KALRN: variants seen among roughly 807,000 people sequenced by gnomAD.
KALRN encodes the protein kalirin.
KALRN carries 70 observed loss-of-function variants against 353.7 expected under a neutral mutation model. The observed-to-expected ratio is 0.20, with a 90% CI of 0.16 to 0.24. The LOEUF is 0.24. KALRN is among the 10% of genes least tolerant of loss of function. KALRN has a pLI of 1.00. For missense variants in KALRN, 2,791 were observed against 3,756.7 expected, an observed-to-expected ratio of 0.74 and a Z score of 6.72; for synonymous variants, 1,391 against 1,434.8, an observed-to-expected ratio of 0.97 and a Z score of 0.69.
At chr3:124,103,682 G>A (rs960012425) in intron 1 of KALRN, among the ~76,000 whole-genome samples, 8 of 152,234 alleles carry the variant, frequency 5.3e-5, no homozygotes, top group South Asian at 2.1e-4. Flanking sequence ...AAGGCTGGGC[G>A]CAGTGACTCA....
chr3:124,268,927 C>T lies in KALRN; in HGVS notation c.641C>T (p.Ala214Val), dbSNP rs2073863106. 6.2e-7 allele frequency: 1 copy of T among 1,613,978 alleles called. No homozygotes were observed. The highest frequency in any genetic ancestry group is 1.7e-5 in the Admixed American group (1 of 60,000). ...CTCGAGGACCTCCAGGAGATGCTAG[C>T]CCGGAAGGAGTTTCCTGTGGATGTG... Reference protein sequence around the residue: ...SRLEDLQEMLARKEFPVDVEG... With the variant: ...SRLEDLQEMLVRKEFPVDVEG... The change falls in exon 5 of 60, where the codon GCC becomes GTC. Residue 214 changes from alanine (A) to valine (V), a missense_variant. Ala to Val is a moderately conservative substitution (Grantham distance 64). This residue lies in a region of KALRN where 366 missense variants were observed against 489.2 expected (regional missense o/e 0.75). Transcript: ENST00000682506.
intron 10 of KALRN, among the ~76,000 whole-genome samples, chr3:124,380,745 G>T (rs1370830290): frequency 2.0e-5 from 3 of 152,200 alleles, no homozygotes; most frequent in Non-Finnish European, 4.4e-5. Flanking sequence ...GTATTGACAA[G>T]AGTCAAAGTA....
intron 25 of KALRN, among the ~76,000 whole-genome samples, chr3:124,464,028 A>G (rs1290182190): frequency 6.6e-6 from 1 of 152,168 alleles, no homozygotes; most frequent in Non-Finnish European, 1.5e-5. Flanking sequence ...AGATGTAGAA[A>G]TATCATGTCC....
intron 6 of KALRN, among the ~76,000 whole-genome samples, chr3:124,322,498 G>A (rs2079439887): frequency 6.6e-6 from 1 of 152,178 alleles, no homozygotes. Context: ...GGAGAGCCAG[G>A]CAGATGGAAG....
chr3:124,347,371 CTGTGTGTGTG>C (rs10663884), intron 10 of KALRN, 106 bp downstream of exon 10: 3 of 563,826 alleles, frequency 5.3e-6, no homozygotes, highest in East Asian at 3.9e-5. Flanking sequence ...AGGTGAGAAG[CTGTGTGTGTG>C]TGTGTGTGTG....
chr3:124,527,476 G>A (rs558763217), intron 33 of KALRN, among the ~76,000 whole-genome samples: 16 of 151,952 alleles, frequency 1.1e-4, no homozygotes, highest in Non-Finnish European at 2.4e-4. Flanking sequence ...AGATGTGGTG[G>A]CACACACCTG....
chr3:124,519,935 CT>C, intron 33 of KALRN: 1 of 953,926 alleles, frequency 1.0e-6, no homozygotes, highest in African/African-American at 1.8e-5. Flanking sequence ...TCCCATCCCA[CT>C]TTCCAGAAAG....
chr3:124,391,201 A>G (rs1005594597), intron 11 of KALRN, among the ~76,000 whole-genome samples: 5 of 148,772 alleles, frequency 3.4e-5, no homozygotes, highest in African/African-American at 1.2e-4. Context: ...TAGTATACAT[A>G]TATTTTGATC....
At chr3:124,464,167 G>A (rs956122266) in intron 25 of KALRN, among the ~76,000 whole-genome samples, 13 of 152,120 alleles carry the variant, frequency 8.5e-5, no homozygotes, top group Admixed American at 7.2e-4. Context: ...ACTGGCAAAC[G>A]GTAAGTCGTG....
Position 124,532,464 on chromosome 3 carries a change from G to A in KALRN, c.4936-30379G>A, listed in dbSNP as rs1247651054. ...TTGATCCTAATTCTGCTATTGATCAGGTATATGAGCTTTGAAAAATGTGTT... is the reference window on the plus strand; with the variant it reads ...TTGATCCTAATTCTGCTATTGATCAAGTATATGAGCTTTGAAAAATGTGTT... On this transcript the variant is annotated intron_variant, in intron 33 of 59. Coordinates refer to ENST00000682506, the MANE Select transcript of KALRN (RefSeq NM_001388419.1). Among the ~76,000 whole-genome samples, 5 of 152,302 alleles carry A rather than the reference G, an allele frequency of 3.3e-5. No homozygotes were observed. In the South Asian group the frequency reaches 8.3e-4, roughly 25 times the overall value.
At chr3:124,427,019 G>A (rs1281107555) in intron 15 of KALRN, among the ~76,000 whole-genome samples, 1 of 152,124 alleles carries the variant, frequency 6.6e-6, no homozygotes, top group Non-Finnish European at 1.5e-5. Context: ...TTGCTTCTTT[G>A]CACCAAATGC....
chr3:124,475,421 A>C (rs918423234), intron 26 of KALRN, among the ~76,000 whole-genome samples: 2 of 152,192 alleles, frequency 1.3e-5, no homozygotes, highest in African/African-American at 4.8e-5. Context: ...TCTACTCCGC[A>C]TTATTCTGAA....
chr3:124,722,714 T>A lies in KALRN; in HGVS notation c.*3244T>A, dbSNP rs1189205278. The A allele has an allele frequency of 6.6e-6, 1 of 152,094 alleles. No individual in the cohort carries two copies. Among genetic ancestry groups the A allele is most frequent in the African/African-American group, 2.4e-5 (1 of 41,404 alleles). The allele number at this position is 152,094 out of a possible 1,614,324, so 9.4% of individuals were successfully genotyped here. On this transcript the variant is annotated 3_prime_UTR_variant, in exon 60 of 60. Transcript: ENST00000682506. ...TTTGGCGGAGAGATTTATTACTTGG[T>A]AGTAAAGAAGAGAGGAGAGAAGAGA...
intron 19 of KALRN, among the ~76,000 whole-genome samples, chr3:124,442,463 T>G (rs2093697970): frequency 6.6e-6 from 1 of 152,218 alleles, no homozygotes; most frequent in South Asian, 2.1e-4. Context: ...GATTCCTGGT[T>G]AATATATTGA....
At chr3:124,246,080 C>T (rs2081088277) in intron 3 of KALRN, among the ~76,000 whole-genome samples, 1 of 152,144 alleles carries the variant, frequency 6.6e-6, no homozygotes, top group African/African-American at 2.4e-5. Flanking sequence ...TTATGATTTC[C>T]TTTCTTTTGG....
intron 10 of KALRN, among the ~76,000 whole-genome samples, chr3:124,371,391 A>C (rs1256768741): frequency 6.6e-6 from 1 of 152,190 alleles, no homozygotes; most frequent in Non-Finnish European, 1.5e-5. Flanking sequence ...GCTGCAGTAA[A>C]CATGAGAGTG....
At chr3:124,189,439 T>C (rs1327233235) in intron 1 of KALRN, among the ~76,000 whole-genome samples, 3 of 152,102 alleles carry the variant, frequency 2.0e-5, no homozygotes, top group Non-Finnish European at 1.5e-5. Flanking sequence ...AGGCAGCAAG[T>C]GGAAATACCC....
intron 10 of KALRN, among the ~76,000 whole-genome samples, chr3:124,353,283 A>G (rs1420934765): frequency 3.3e-5 from 5 of 152,160 alleles, no homozygotes; most frequent in Non-Finnish European, 5.9e-5. Context: ...CAAACCTACC[A>G]TAGTAATAAG....
At position 124,490,675 on chromosome 3, in the gene KALRN, G is replaced by A. The variant is rs1641055772; in HGVS notation, c.4397-19G>A. Reference sequence around the variant, plus strand: ...TGGCAGTAGAGAAACTCCACAGGGTGGAAATGGATGTTTTTCAGGGTTCGA... The same window carrying A: ...TGGCAGTAGAGAAACTCCACAGGGTAGAAATGGATGTTTTTCAGGGTTCGA... On this transcript the variant is annotated intron_variant, in intron 29 of 59. Coordinates refer to ENST00000682506, the MANE Select transcript of KALRN (RefSeq NM_001388419.1). 2 of 1,609,772 alleles carry A rather than the reference G, an allele frequency of 1.2e-6. No homozygotes were observed. The highest frequency in any genetic ancestry group is 2.2e-5 in the East Asian group (1 of 44,826).
Sources: allele counts gnomAD v4.1 joint callset (sites outside exome capture counted in the v4.1 genomes callset), GRCh38; gene constraint gnomAD v4.1.1; regional missense constraint gnomAD v4.1.1; transcripts MANE v1.5; gene names NCBI Gene and HGNC (gene_info 2026-07-23, HGNC 2026-07-21).